FSTL5: variants seen among roughly 807,000 people sequenced by gnomAD.
FSTL5 encodes follistatin-related protein 5.
In FSTL5, 62 loss-of-function variants were observed where a neutral mutation model predicts 89.1. The observed-to-expected ratio is 0.70, with a 90% CI of 0.57 to 0.86. FSTL5 has a LOEUF of 0.86. FSTL5 is among the 40% of genes least tolerant of loss of function. The pLI is 0.00. For synonymous variants in FSTL5, 383 were observed against 346.2 expected, an observed-to-expected ratio of 1.11 and a Z score of -1.18; for missense variants, 1,057 against 1,001.6, an observed-to-expected ratio of 1.06 and a Z score of -0.75.
At chr4:161,450,308 G>A (rs528122819) in intron 15 of FSTL5, among the ~76,000 whole-genome samples, 1 of 152,266 alleles carries the variant, frequency 6.6e-6, no homozygotes, top group South Asian at 2.1e-4. Context: ...TGCACAGCAA[G>A]CTGCAATGTT....
At chr4:161,663,105 C>T (rs893834696) in intron 6 of FSTL5, among the ~76,000 whole-genome samples, 1 of 152,078 alleles carries the variant, frequency 6.6e-6, no homozygotes, top group Non-Finnish European at 1.5e-5. Flanking sequence ...CCTCCTACAA[C>T]ACATGAGAAT....
intron 2 of FSTL5, among the ~76,000 whole-genome samples, chr4:162,075,181 A>G (rs1051205581): frequency 6.6e-6 from 1 of 151,772 alleles, no homozygotes; most frequent in African/African-American, 2.4e-5. Context: ...TGTCCCATCA[A>G]TGGCATCTCT....
rs567203114 is a variant in FSTL5, at chr4:161,685,299, T to C, written c.728-28805A>G. ...TTCTTTGAAGAATGATGGTGGTATT[T>C]TGATGTGAATTGCATTGAATTTGTA... On this transcript the variant is annotated intron_variant, in intron 6 of 15. Transcript: ENST00000306100. Among the ~76,000 whole-genome samples, 4 of 152,268 alleles carry C rather than the reference T, an allele frequency of 2.6e-5. No individual in the cohort carries two copies. The East Asian group carries it at 7.7e-4, about 29-fold the overall frequency.
intron 3 of FSTL5, among the ~76,000 whole-genome samples, chr4:161,985,572 T>C (rs1212361053): frequency 2.6e-5 from 4 of 151,942 alleles, no homozygotes; most frequent in African/African-American, 9.7e-5. Flanking sequence ...ACTCAATGCA[T>C]ACAGTGGAAT....
intron 15 of FSTL5, among the ~76,000 whole-genome samples, chr4:161,413,998 C>T (rs1017005910): frequency 1.3e-5 from 2 of 152,132 alleles, no homozygotes; most frequent in Non-Finnish European, 2.9e-5. Context: ...ATCCCATTCT[C>T]CAAACCTCAG....
At chr4:161,920,764 T>G in intron 3 of FSTL5, 112 bp from the exon 4 acceptor site, 1 of 995,414 alleles carries the variant, frequency 1.0e-6, no homozygotes. Context: ...TAGTATAGTG[T>G]ATTCAGGGCT....
At chr4:161,773,093 G>A (rs1442013533) in intron 5 of FSTL5, among the ~76,000 whole-genome samples, 1 of 152,018 alleles carries the variant, frequency 6.6e-6, no homozygotes, top group Admixed American at 6.6e-5. Flanking sequence ...ATAAAGTGAG[G>A]GAAGGACACT....
intron 10 of FSTL5, among the ~76,000 whole-genome samples, chr4:161,536,089 G>A (rs562164899): frequency 7.9e-5 from 12 of 152,112 alleles, no homozygotes; most frequent in Non-Finnish European, 1.6e-4. Context: ...ACTACTAAAG[G>A]AGCGAAGTAT....
chr4:162,141,445 A>G (rs1579059650), intron 1 of FSTL5, among the ~76,000 whole-genome samples: 1 of 151,996 alleles, frequency 6.6e-6, no homozygotes, highest in East Asian at 1.9e-4. Flanking sequence ...CTCTTTTGCT[A>G]TGTGATACAT....
At chr4:161,495,633 A>G (rs1422549789) in intron 12 of FSTL5, among the ~76,000 whole-genome samples, 1 of 152,090 alleles carries the variant, frequency 6.6e-6, no homozygotes, top group Non-Finnish European at 1.5e-5. Context: ...ACCAAAATTG[A>G]GTTTTTATTT....
intron 15 of FSTL5, among the ~76,000 whole-genome samples, chr4:161,453,744 A>G (rs2872526): frequency 0.58 from 88,734 of 151,762 alleles, 26,442 homozygotes; most frequent in East Asian, 0.84. Flanking sequence ...ACAGACATGC[A>G]CCACCATGTC....
chr4:161,774,709 G>A (rs1039107038), intron 5 of FSTL5, among the ~76,000 whole-genome samples: 2 of 151,760 alleles, frequency 1.3e-5, no homozygotes, highest in African/African-American at 4.8e-5. Context: ...CAATATATAT[G>A]TTAGGCACAC....
intron 6 of FSTL5, among the ~76,000 whole-genome samples, chr4:161,726,233 T>TC (rs1325743802): frequency 6.9e-6 from 1 of 144,890 alleles, no homozygotes; most frequent in Non-Finnish European, 1.5e-5. Context: ...TTTTCTTTTT[T>TC]TTTTTTTTTT....
At chr4:161,829,632 C>T (rs1730781130) in intron 4 of FSTL5, among the ~76,000 whole-genome samples, 1 of 151,914 alleles carries the variant, frequency 6.6e-6, no homozygotes, top group Admixed American at 6.6e-5. Context: ...GAGAAGGAAA[C>T]AATAATCTGT....
intron 4 of FSTL5, among the ~76,000 whole-genome samples, chr4:161,825,645 A>C (rs746825169): frequency 6.6e-6 from 1 of 152,048 alleles, no homozygotes; most frequent in Non-Finnish European, 1.5e-5. Flanking sequence ...GAATTTATCT[A>C]TCTCTTCTAG....
At chr4:161,935,804 A>G (rs1358154200) in intron 3 of FSTL5, among the ~76,000 whole-genome samples, 3 of 152,194 alleles carry the variant, frequency 2.0e-5, no homozygotes, top group Admixed American at 6.6e-5. Context: ...GGATGAATCT[A>G]CACATGCTTC....
intron 8 of FSTL5, among the ~76,000 whole-genome samples, chr4:161,581,016 C>A (rs1000029802): frequency 1.3e-5 from 2 of 151,986 alleles, no homozygotes; most frequent in African/African-American, 4.8e-5. Context: ...GCCAATACCA[C>A]CCCCCAAGCA....
At chr4:162,150,802 T>G (rs1040390302) in intron 1 of FSTL5, among the ~76,000 whole-genome samples, 2 of 152,122 alleles carry the variant, frequency 1.3e-5, no homozygotes, top group African/African-American at 4.8e-5. Context: ...TAATTCAACT[T>G]CTGGGGAAAT....
chr4:161,622,932 G>A (rs752423947), intron 7 of FSTL5, among the ~76,000 whole-genome samples: 12 of 152,100 alleles, frequency 7.9e-5, no homozygotes, highest in South Asian at 4.2e-4. Context: ...TATAAAGCTG[G>A]GAACAGACGT....
Sources: gnomAD v4.1 joint callset for allele counts (sites outside exome capture counted in the v4.1 genomes callset) on GRCh38, gnomAD v4.1.1 for gene constraint, MANE v1.5 for transcripts, NCBI Gene and HGNC (gene_info 2026-07-23, HGNC 2026-07-21) for gene names.